ANK3: variants seen among roughly 807,000 people sequenced by gnomAD.
ANK3 encodes ankyrin 3.
ANK3 carries 57 observed loss-of-function variants against 370.9 expected under a neutral mutation model. The observed-to-expected ratio is 0.15, with a 90% CI of 0.12 to 0.19. The LOEUF (loss-of-function observed/expected upper bound fraction) is 0.19, where lower values mean the gene tolerates loss of function less well. Among genes scored for constraint, ANK3 ranks in the 10% least tolerant of loss-of-function variants. The pLI is 1.00. For synonymous variants in ANK3, 1,929 were observed against 1,946.3 expected (o/e 0.99, Z 0.23); for missense variants, 4,439 against 5,302.1 (o/e 0.84, Z 5.06).
chr10:60,412,112 T>C (rs1328031694), intron 2 of ANK3, among the ~76,000 whole-genome samples: 2 of 152,166 alleles, frequency 1.3e-5, no homozygotes, highest in African/African-American at 2.4e-5. Flanking sequence ...AGTGGGAAGA[T>C]GTTCCCAGCC....
intron 2 of ANK3, among the ~76,000 whole-genome samples, chr10:60,603,812 G>A (rs2078096289): frequency 6.6e-6 from 1 of 152,064 alleles, no homozygotes; most frequent in African/African-American, 2.4e-5. Flanking sequence ...CTGGACAAGA[G>A]CTGTCTCATT....
At chr10:60,677,465 T>C (rs1486024318) in intron 1 of ANK3, among the ~76,000 whole-genome samples, 5 of 149,936 alleles carry the variant, frequency 3.3e-5, no homozygotes, top group Non-Finnish European at 7.4e-5. Flanking sequence ...AGAAAATCTT[T>C]GGTTTAGAGG....
At position 60,235,690 on chromosome 10, in the gene ANK3, C is replaced by A. The variant is rs144369010; in HGVS notation, c.799-904G>T. ...AGCTGGAACTACAGGTGTGCACCAC[C>A]ATGCCTGGCTTCTTATTCTTGTGTA... On this transcript the variant is annotated intron_variant, in intron 7 of 43. Coordinates refer to ENST00000280772, the MANE Select transcript of ANK3 (RefSeq NM_020987.5). Among the ~76,000 whole-genome samples the A allele has an allele frequency of 8.2e-4, 124 of 152,104 alleles. 1 individual carries two copies. Among genetic ancestry groups the A allele is most frequent in the African/African-American group, 2.9e-3 (121 of 41,500 alleles).
At chr10:60,238,249 C>A (rs1216033121) in intron 7 of ANK3, among the ~76,000 whole-genome samples, 1 of 152,134 alleles carries the variant, frequency 6.6e-6, no homozygotes, top group Non-Finnish European at 1.5e-5. Flanking sequence ...TCTAAGCAAG[C>A]AACAGAGTTA....
chr10:60,078,837 T>C (rs1460130404), intron 36 of ANK3, among the ~76,000 whole-genome samples: 4 of 152,198 alleles, frequency 2.6e-5, no homozygotes, highest in Non-Finnish European at 5.9e-5. Context: ...ACCACCCTTA[T>C]GTACCCTTTC....
At chr10:60,393,173 C>T (rs12246937), upstream of ANK3, among the ~76,000 whole-genome samples, 3,088 of 152,172 alleles carry the variant, frequency 0.02, 97 homozygotes, top group African/African-American at 0.069. Flanking sequence ...AACATAACAG[C>T]GGAGCTGCAT....
intron 1 of ANK3, among the ~76,000 whole-genome samples, chr10:60,637,390 C>T (rs1005887053): frequency 6.6e-5 from 10 of 152,140 alleles, no homozygotes; most frequent in African/African-American, 2.4e-4. Flanking sequence ...AGAAAATAGA[C>T]AGTGCTATTG....
intron 2 of ANK3, among the ~76,000 whole-genome samples, chr10:60,598,043 G>A (rs1026182899): frequency 6.6e-6 from 1 of 152,048 alleles, no homozygotes; most frequent in African/African-American, 2.4e-5. Flanking sequence ...AAATAAATTT[G>A]GGCAGAAGTC....
At chr10:60,199,444 A>T (rs180875254) in intron 13 of ANK3, among the ~76,000 whole-genome samples, 1 of 152,110 alleles carries the variant, frequency 6.6e-6, no homozygotes, top group Non-Finnish European at 1.5e-5. Context: ...TGAAAGCAGA[A>T]ACGAATAGGT....
At chr10:60,495,982 T>A (rs1361159396) in intron 2 of ANK3, among the ~76,000 whole-genome samples, 1 of 113,328 alleles carries the variant, frequency 8.8e-6, no homozygotes, top group African/African-American at 3.9e-5. Context: ...TTCATTTTTC[T>A]TTTTTTTTTT....
chr10:60,080,019 G>C (rs1403836746), intron 36 of ANK3, among the ~76,000 whole-genome samples: 1 of 152,036 alleles, frequency 6.6e-6, no homozygotes, highest in Non-Finnish European at 1.5e-5. Flanking sequence ...GAGAGGGAGG[G>C]AGGGAGGAAA....
chr10:60,190,884 T>A (rs1374544377), intron 16 of ANK3, among the ~76,000 whole-genome samples: 1 of 152,032 alleles, frequency 6.6e-6, no homozygotes, highest in Non-Finnish European at 1.5e-5. Flanking sequence ...TATAGAAATA[T>A]ATGCATATAT....
chr10:60,465,971 T>A (rs1225598944), intron 2 of ANK3, among the ~76,000 whole-genome samples: 3 of 152,002 alleles, frequency 2.0e-5, no homozygotes, highest in Admixed American at 2.0e-4. Flanking sequence ...TATAGAGGCA[T>A]TAAGTAACAA....
At chr10:60,344,758 G>A (rs4520549) in intron 1 of ANK3, among the ~76,000 whole-genome samples, 106,155 of 152,076 alleles carry the variant, frequency 0.7, 38,322 homozygotes, top group South Asian at 0.91. Context: ...GACTATCAGT[G>A]GGAGGTACTT....
intron 42 of ANK3, chr10:60,043,360 T>C: frequency 1.0e-6 from 1 of 984,842 alleles, no homozygotes; most frequent in Non-Finnish European, 1.2e-6. Flanking sequence ...ATTTTGTGAT[T>C]TGTACTTCTG....
At chr10:60,561,293 G>A (rs1281079645) in intron 2 of ANK3, among the ~76,000 whole-genome samples, 1 of 152,140 alleles carries the variant, frequency 6.6e-6, no homozygotes, top group African/African-American at 2.4e-5. Flanking sequence ...AAATTATCAT[G>A]CATAAGCATC....
At chr10:60,712,188 A>C (rs2079719799) in intron 1 of ANK3, among the ~76,000 whole-genome samples, 1 of 152,328 alleles carries the variant, frequency 6.6e-6, no homozygotes, top group African/African-American at 2.4e-5. Flanking sequence ...AGTCTCTAAA[A>C]TAATAACAAG....
intron 1 of ANK3, among the ~76,000 whole-genome samples, chr10:60,285,102 C>T (rs972818400): frequency 2.0e-5 from 3 of 152,132 alleles, no homozygotes; most frequent in African/African-American, 4.8e-5. Flanking sequence ...TGGAATCACA[C>T]AGCCCGAATC....
chr10:60,572,627 A>T lies in ANK3; in HGVS notation c.96+42559T>A, dbSNP rs1007164297. On this transcript the variant is annotated intron_variant, in intron 2 of 43. Transcript: ENST00000373827. ...AGTCAAAGCATTGAGACCAAAGTCC[A>T]TTTACGGGTGCTCCCCAGGCAAAGC... The T allele has an allele frequency of 7.4e-6, 11 of 1,485,562 alleles. No homozygotes were observed. In the East Asian group the frequency reaches 2.0e-4, roughly 27 times the overall value. The allele number at this position is 1,485,562 out of a possible 1,614,324, so 92.0% of individuals were successfully genotyped here.
Sources: gnomAD v4.1 joint callset for allele counts (sites outside exome capture counted in the v4.1 genomes callset) on GRCh38, gnomAD v4.1.1 for gene constraint, MANE v1.5 for transcripts, NCBI Gene and HGNC (gene_info 2026-07-23, HGNC 2026-07-21) for gene names.